Variants in PIBF1 observed in about 807,000 individuals in gnomAD.
The protein encoded by PIBF1 is progesterone-induced-blocking factor 1.
Under a neutral mutation model 112.5 loss-of-function variants are expected in PIBF1, and 90 were observed. The ratio of observed to expected loss-of-function variants is 0.80; its 90% CI spans 0.67 to 0.95. The LOEUF is 0.95. PIBF1 is among the 40% of genes least tolerant of loss of function. PIBF1 has a pLI of 0.00. For synonymous variants in PIBF1, 301 were observed against 288.6 expected (o/e 1.04, Z -0.44); for missense variants, 915 against 852.3 (o/e 1.07, Z -0.92).
intron 2 of PIBF1, among the ~76,000 whole-genome samples, chr13:72,788,257 A>G (rs1002966169): frequency 1.6e-4 from 24 of 152,152 alleles, no homozygotes; most frequent in African/African-American, 5.3e-4. Context: ...AATAAATATT[A>G]TAGGTATTTC....
chr13:72,895,468 A>G (rs1394272084), intron 11 of PIBF1, among the ~76,000 whole-genome samples: 2 of 151,530 alleles, frequency 1.3e-5, no homozygotes, highest in Admixed American at 6.6e-5. Context: ...AATAAGTGGG[A>G]AAAAAAAGGA....
chr13:72,861,147 T>C (rs190433626), intron 10 of PIBF1, among the ~76,000 whole-genome samples: 166 of 152,218 alleles, frequency 1.1e-3, no homozygotes, highest in African/African-American at 3.8e-3. Flanking sequence ...AAAAATATAT[T>C]CTATGCAAGG....
Position 72,897,634 on chromosome 13 carries a change from A to G in PIBF1, c.1488+3685A>G, listed in dbSNP as rs993177736. ...GGGGTGGAAAAAGGCATTTCATGCA[A>G]TGAACACCAAAAGCGAGCAGGGGTA... is the stretch of plus-strand genomic sequence containing the variant. On this transcript the variant is annotated intron_variant, in intron 11 of 17. Transcript: ENST00000326291. Among the ~76,000 whole-genome samples the G allele has an allele frequency of 5.9e-5, 9 of 152,224 alleles. No individual in the cohort carries two copies. The East Asian group carries it at 7.7e-4, about 13-fold the overall frequency.
At chr13:73,009,745 C>T (rs1039791317) in intron 17 of PIBF1, among the ~76,000 whole-genome samples, 5 of 152,114 alleles carry the variant, frequency 3.3e-5, no homozygotes, top group Non-Finnish European at 5.9e-5. Flanking sequence ...TGAAAAGTCA[C>T]CCTATGAAGT....
chr13:72,835,241 A>G lies in PIBF1; in HGVS notation c.1098-2A>G. 1 of 1,557,402 alleles carries G rather than the reference A, an allele frequency of 6.4e-7. No individual in the cohort carries two copies. Among genetic ancestry groups the G allele is most frequent in the Non-Finnish European group, 8.6e-7 (1 of 1,159,250 alleles). ...ATGGTTGTTCCTTTTCACTCCTTGC[A>G]GAGACCATTATAAAACAGAATATGA... On this transcript the variant is annotated splice_acceptor_variant, in intron 8 of 17. Coordinates refer to ENST00000326291, the MANE Select transcript of PIBF1 (RefSeq NM_006346.4). LOFTEE classifies it high-confidence loss of function.
chr13:72,936,112 C>T (rs1325158980), intron 14 of PIBF1, among the ~76,000 whole-genome samples: 3 of 151,982 alleles, frequency 2.0e-5, no homozygotes, highest in East Asian at 1.9e-4. Context: ...ATTGCAGCCT[C>T]GAACTCTTGG....
At chr13:72,908,469 T>C (rs1246869625) in intron 11 of PIBF1, 62 bp from the exon 12 acceptor site, 1 of 1,079,776 alleles carries the variant, frequency 9.3e-7, no homozygotes, top group Non-Finnish European at 1.3e-6. Flanking sequence ...TTGCATCATG[T>C]TTTTGTCTTA....
chr13:72,860,308 GGT>G (rs3219561), intron 10 of PIBF1, among the ~76,000 whole-genome samples: 17,684 of 142,930 alleles, frequency 0.12, 1,085 homozygotes, highest in South Asian at 0.17. Context: ...TTTTTTTAGG[GGT>G]GTGTGTGTGT....
At chr13:72,807,290 TTGGGCTGGGCACAG>T (rs1225482913) in intron 5 of PIBF1, among the ~76,000 whole-genome samples, 1 of 152,186 alleles carries the variant, frequency 6.6e-6, no homozygotes, top group Admixed American at 6.5e-5. Flanking sequence ...AATACATTTA[TTGGGCTGGGCACAG>T]TGGCTCTCGC....
Position 72,894,772 on chromosome 13 carries a change from A to ATAGTGTGTGT in PIBF1, c.1488+823_1488+824insTAGTGTGTGT, listed in dbSNP as rs1491462402. On this transcript the variant is annotated intron_variant, in intron 11 of 17. Coordinates refer to ENST00000326291, the MANE Select transcript of PIBF1 (RefSeq NM_006346.4). Reference sequence around the variant, plus strand: ...TAATATATATATTATATATATATATAGTGTGTGTGTGTGTGTGTGTGTGTG... The same window carrying ATAGTGTGTGT: ...TAATATATATATTATATATATATATATAGTGTGTGTGTGTGTGTGTGTGTGTGTGTGTGTG... Among the ~76,000 whole-genome samples, 514 of 137,192 alleles carry ATAGTGTGTGT rather than the reference A, an allele frequency of 3.7e-3. 6 individuals carry two copies. The highest frequency in any genetic ancestry group is 0.014 in the African/African-American group (483 of 35,174). 90.0% of individuals were successfully genotyped at this position (137,192 alleles called of 152,430 possible). A position where few individuals can be genotyped will look rare whatever the true frequency, so the allele number is the denominator to read the frequency against.
rs564896842 is a variant in PIBF1, at chr13:72,824,847, C to T, written c.807-2163C>T. Among the ~76,000 whole-genome samples the T allele has an allele frequency of 7.9e-5, 12 of 152,264 alleles. No homozygotes were observed. The South Asian group carries it at 1.9e-3, about 24-fold the overall frequency. ...TATCACCAATAATGGGATAAACTGA[C>T]GTCACATACCTCAGTACATCTTCAC... On this transcript the variant is annotated intron_variant, in intron 6 of 17. Coordinates refer to ENST00000326291, the MANE Select transcript of PIBF1 (RefSeq NM_006346.4).
chr13:72,888,840 T>C (rs930701078), intron 10 of PIBF1, among the ~76,000 whole-genome samples: 3 of 144,276 alleles, frequency 2.1e-5, no homozygotes, highest in African/African-American at 7.6e-5. Flanking sequence ...AAAACAAACC[T>C]CTTAGATACA....
intron 16 of PIBF1, among the ~76,000 whole-genome samples, chr13:72,985,802 G>A (rs972155818): frequency 2.0e-5 from 3 of 152,024 alleles, no homozygotes; most frequent in Non-Finnish European, 4.4e-5. Flanking sequence ...GTCTGAAGTT[G>A]ATGCTGAAAA....
chr13:73,001,292 G>A (rs2139034242), intron 17 of PIBF1, among the ~76,000 whole-genome samples: 1 of 152,104 alleles, frequency 6.6e-6, no homozygotes, highest in Non-Finnish European at 1.5e-5. Flanking sequence ...TATTTTCTCT[G>A]AACTTGTTGA....
chr13:72,989,604 A>G (rs918485797), intron 16 of PIBF1, among the ~76,000 whole-genome samples: 38 of 152,120 alleles, frequency 2.5e-4, no homozygotes, highest in Admixed American at 1.1e-3. Flanking sequence ...GCAGGATAGG[A>G]GGGTATAGTT....
At chr13:72,991,568 T>G (rs1222902572) in intron 16 of PIBF1, among the ~76,000 whole-genome samples, 1 of 152,128 alleles carries the variant, frequency 6.6e-6, no homozygotes, top group East Asian at 1.9e-4. Context: ...TCAGATTTTA[T>G]CAGACTACGT....
chr13:72,970,587 ATAAT>A (rs1009705515), intron 15 of PIBF1: 90 of 152,332 alleles, frequency 5.9e-4, no homozygotes, highest in African/African-American at 2.1e-3. Context: ...TTTCTAAGTA[ATAAT>A]TAACAGTGAA....
intron 14 of PIBF1, among the ~76,000 whole-genome samples, chr13:72,963,807 A>G (rs1012846981): frequency 7.9e-5 from 12 of 152,190 alleles, no homozygotes; most frequent in Non-Finnish European, 1.0e-4. Flanking sequence ...GAAGATATAC[A>G]AATGCCCAGT....
At chr13:72,949,670 T>C (rs573065813) in intron 14 of PIBF1, among the ~76,000 whole-genome samples, 8 of 152,240 alleles carry the variant, frequency 5.3e-5, no homozygotes, top group Non-Finnish European at 1.0e-4. Flanking sequence ...AAGTGTACCT[T>C]ACATAGCAAC....
Sources: allele counts gnomAD v4.1 joint callset (sites outside exome capture counted in the v4.1 genomes callset), GRCh38; gene constraint gnomAD v4.1.1; transcripts MANE v1.5; gene names NCBI Gene and HGNC (gene_info 2026-07-23, HGNC 2026-07-21).